The following ZNF385B variants were observed in gnomAD, a reference collection of about 807,000 sequenced individuals.
ZNF385B encodes the protein zinc finger protein 533.
A neutral mutation model predicts 39.2 loss-of-function variants in ZNF385B; 23 were observed. The ratio of observed to expected loss-of-function variants is 0.59; its 90% CI spans 0.42 to 0.83. The LOEUF (loss-of-function observed/expected upper bound fraction) is 0.83. ZNF385B is among the 40% of genes least tolerant of loss of function. The pLI, the probability that ZNF385B is intolerant of heterozygous loss-of-function variation, is 0.00. For synonymous variants in ZNF385B, 205 were observed against 222.6 expected (o/e 0.92, Z 0.70); for missense variants, 552 against 598.9 (o/e 0.92, Z 0.82).
At chr2:179,709,528 C>T (rs375357234) in intron 3 of ZNF385B, among the ~76,000 whole-genome samples, 2 of 152,180 alleles carry the variant, frequency 1.3e-5, no homozygotes, top group African/African-American at 4.8e-5. Context: ...ATCTACACCA[C>T]CTGGAAATCA....
chr2:179,795,865 A>C (rs1387306165), intron 1 of ZNF385B, among the ~76,000 whole-genome samples: 2 of 152,172 alleles, frequency 1.3e-5, no homozygotes, highest in Non-Finnish European at 2.9e-5. Context: ...GAACGTCCAT[A>C]TATCTTGAAG....
chr2:179,627,177 CT>C (rs1258204094), intron 3 of ZNF385B, among the ~76,000 whole-genome samples: 1 of 152,170 alleles, frequency 6.6e-6, no homozygotes, highest in African/African-American at 2.4e-5. Flanking sequence ...GTTTGTGACA[CT>C]GTGCCTGAAA....
In ZNF385B at chr2:179,530,912, T is replaced by C. The variant is rs556289160; in HGVS notation, c.442-12274A>G. Among the ~76,000 whole-genome samples the C allele has an allele frequency of 4.3e-3, 654 of 152,278 alleles. 3 individuals are homozygous for C. Among genetic ancestry groups the C allele is most frequent in the Non-Finnish European group, 7.3e-3 (496 of 68,024 alleles). ...ATGCCACATAACCGTTACACAGTGGTAAAATGTCAGGGATCATCTACATTT... is the reference window on the plus strand; with the variant it reads ...ATGCCACATAACCGTTACACAGTGGCAAAATGTCAGGGATCATCTACATTT... On this transcript the variant is annotated intron_variant, in intron 4 of 9. Coordinates refer to ENST00000410066, the MANE Select transcript of ZNF385B (RefSeq NM_152520.6).
At chr2:179,714,034 T>A (rs1700167895) in intron 3 of ZNF385B, among the ~76,000 whole-genome samples, 1 of 152,172 alleles carries the variant, frequency 6.6e-6, no homozygotes, top group Admixed American at 6.5e-5. Flanking sequence ...GGTAAACATT[T>A]GAATGTTGGA....
At chr2:179,681,099 A>G (rs1244513246) in intron 3 of ZNF385B, among the ~76,000 whole-genome samples, 1 of 150,868 alleles carries the variant, frequency 6.6e-6, no homozygotes, top group African/African-American at 2.4e-5. Flanking sequence ...TTTTTTTGAA[A>G]CTTTTGATTC....
intron 3 of ZNF385B, among the ~76,000 whole-genome samples, chr2:179,669,204 C>G (rs547739497): frequency 1.6e-4 from 24 of 152,244 alleles, no homozygotes; most frequent in Non-Finnish European, 1.0e-4. Flanking sequence ...GTAACTTACC[C>G]AAGGTTACAT....
At chr2:179,573,956 G>A (rs1367462929) in intron 3 of ZNF385B, among the ~76,000 whole-genome samples, 2 of 152,102 alleles carry the variant, frequency 1.3e-5, no homozygotes, top group Non-Finnish European at 2.9e-5. Flanking sequence ...TTGATAAAAA[G>A]TATAGCATTA....
chr2:179,450,724 A>G (rs567202308), intron 6 of ZNF385B, among the ~76,000 whole-genome samples: 33 of 152,252 alleles, frequency 2.2e-4, no homozygotes, highest in African/African-American at 7.7e-4. Flanking sequence ...TAGAAATACC[A>G]TTTGACCCAG....
chr2:179,553,830 C>T (rs1390159037), intron 3 of ZNF385B, among the ~76,000 whole-genome samples: 1 of 148,618 alleles, frequency 6.7e-6, no homozygotes, highest in Non-Finnish European at 1.5e-5. Flanking sequence ...GAAAAAATTT[C>T]TTCCCTCAAT....
At chr2:179,822,536 C>A (rs1332577822) in intron 1 of ZNF385B, among the ~76,000 whole-genome samples, 1 of 152,104 alleles carries the variant, frequency 6.6e-6, no homozygotes, top group Non-Finnish European at 1.5e-5. Flanking sequence ...CTGCACTCAC[C>A]GAAAGTGCCA....
intron 3 of ZNF385B, among the ~76,000 whole-genome samples, chr2:179,627,850 G>A (rs1008284296): frequency 6.6e-6 from 1 of 151,982 alleles, no homozygotes; most frequent in Non-Finnish European, 1.5e-5. Flanking sequence ...AGTGTAGGTA[G>A]AGTATATTTC....
chr2:179,750,977 T>C (rs1472576064), intron 3 of ZNF385B, among the ~76,000 whole-genome samples: 2 of 152,132 alleles, frequency 1.3e-5, no homozygotes, highest in African/African-American at 2.4e-5. Flanking sequence ...ATCATACTGA[T>C]GCATTCTAGC....
chr2:179,555,080 AATCT>A lies in ZNF385B; in HGVS notation c.299-10115_299-10112del, dbSNP rs762693899. On this transcript the variant is annotated intron_variant, in intron 3 of 9. Coordinates refer to ENST00000410066, the MANE Select transcript of ZNF385B (RefSeq NM_152520.6). ...GCCTCAAACTGGAAACTAGCCAGTT[AATCT>A]ATCAACAATAGAAAGAATAATTTTT... Among the ~76,000 whole-genome samples, 17 of 149,662 alleles carry A rather than the reference AATCT, an allele frequency of 1.1e-4. 1 individual carries two copies. The highest frequency in any genetic ancestry group is 1.8e-4 in the African/African-American group (7 of 39,826).
intron 1 of ZNF385B, among the ~76,000 whole-genome samples, chr2:179,832,997 T>C (rs1708061544): frequency 6.6e-6 from 1 of 152,136 alleles, no homozygotes; most frequent in African/African-American, 2.4e-5. Flanking sequence ...GCACAACCCA[T>C]TATTTCACAT....
intron 3 of ZNF385B, among the ~76,000 whole-genome samples, chr2:179,645,966 A>C (rs1253172855): frequency 3.9e-5 from 6 of 152,184 alleles, no homozygotes; most frequent in Admixed American, 1.3e-4. Context: ...TTTAAGAACC[A>C]CATAGGGTAT....
chr2:179,472,132 A>G (rs1367044079), intron 6 of ZNF385B, among the ~76,000 whole-genome samples: 1 of 152,210 alleles, frequency 6.6e-6, no homozygotes, highest in Admixed American at 6.5e-5. Context: ...GATTTATTCT[A>G]TGAAGTTGCC....
chr2:179,588,254 A>G (rs1189473139), intron 3 of ZNF385B, among the ~76,000 whole-genome samples: 1 of 151,984 alleles, frequency 6.6e-6, no homozygotes, highest in African/African-American at 2.4e-5. Context: ...ATGCCCGGCT[A>G]ATTTTTTGTA....
intron 4 of ZNF385B, among the ~76,000 whole-genome samples, chr2:179,524,833 T>G (rs1474833443): frequency 6.6e-6 from 1 of 151,800 alleles, no homozygotes; most frequent in Non-Finnish European, 1.5e-5. Context: ...ATACTTTGGG[T>G]TTTTTTTCCC....
chr2:179,654,547 C>A (rs111378485), intron 3 of ZNF385B, among the ~76,000 whole-genome samples: 1 of 151,962 alleles, frequency 6.6e-6, no homozygotes, highest in East Asian at 1.9e-4. Context: ...GGTCACTTTC[C>A]CTGTCTTAAC....
Sources: allele counts gnomAD v4.1 joint callset (sites outside exome capture counted in the v4.1 genomes callset), GRCh38; gene constraint gnomAD v4.1.1; transcripts MANE v1.5; gene names NCBI Gene and HGNC (gene_info 2026-07-23, HGNC 2026-07-21).